GABBR1: variants seen among roughly 807,000 people sequenced by gnomAD.
GABBR1 encodes GABA-B receptor, R1 subunit.
In GABBR1, 35 loss-of-function variants were observed where a neutral mutation model predicts 117.7. That is an observed-to-expected ratio of 0.30 (90% CI 0.23 to 0.39). The LOEUF (loss-of-function observed/expected upper bound fraction) is 0.39, where lower values mean the gene tolerates loss of function less well. Among genes scored for constraint, GABBR1 ranks in the 10% least tolerant of loss-of-function variants. The probability of loss-of-function intolerance (pLI) is 1.00; values close to 1 mark genes in which losing one functional copy is unlikely to be tolerated. For missense variants in GABBR1, 709 were observed against 1,241.8 expected, an observed-to-expected ratio of 0.57 and a Z score of 6.45; for synonymous variants, 442 against 486.6, an observed-to-expected ratio of 0.91 and a Z score of 1.21.
rs747154133 is a variant in GABBR1, at chr6:29,603,640, G to A, written c.2789C>T (p.Thr930Ile). The A allele has an allele frequency of 2.0e-6, 3 of 1,525,368 alleles. No homozygotes were observed. The highest frequency in any genetic ancestry group is 2.6e-6 in the Non-Finnish European group (3 of 1,141,278). The allele number at this position is 1,525,368 out of a possible 1,614,324, so 94.5% of individuals were successfully genotyped here. A position where few individuals can be genotyped will look rare whatever the true frequency, so the allele number is the denominator to read the frequency against. The change falls in exon 23 of 23, where the codon ACA becomes ATA. Residue 930 changes from threonine to isoleucine, a missense_variant. Thr to Ile is a moderately conservative substitution (Grantham distance 89). Coordinates refer to ENST00000377034, the MANE Select transcript of GABBR1 (RefSeq NM_001470.4). The part of the protein sequence containing the change: ...QQLRSRRHPP[T>I]PPEPSGGLPR... The stretch of plus-strand genomic sequence containing the variant: ...CAGGCCCCCAGAGGGTTCTGGGGGT[G>A]TCGGTGGGTGGCGCCGGGAGCGGAG...
chr6:29,608,637 G>A lies in GABBR1; in HGVS notation c.1956C>T (p.Tyr652=). The change falls in exon 16 of 23, where the codon TAC becomes TAT. Residue 652 remains tyrosine (Y), a synonymous_variant. Coordinates refer to ENST00000377034, the MANE Select transcript of GABBR1 (RefSeq NM_001470.4). ...AAVFPLGLDG[Y]HIGRNQFPFV... ...AAGGAAACTGGTTCCTCCCAATGTG[G>A]TAACCATCGAGCCCCAGGGGGAAGA... 1.9e-6 allele frequency: 3 copies of A among 1,612,988 alleles called. No individual in the cohort carries two copies. Among genetic ancestry groups the A allele is most frequent in the Non-Finnish European group, 1.7e-6 (2 of 1,180,002 alleles).
At chr6:29,629,138 G>C in intron 4 of GABBR1, 31 bp from the exon 5 acceptor site, 2 of 1,612,870 alleles carry the variant, frequency 1.2e-6, no homozygotes, top group Non-Finnish European at 1.7e-6. Context: ...GATCAGAGAA[G>C]AGTTACCACT....
chr6:29,603,729 G>C lies in GABBR1; in HGVS notation c.2713-13C>G. ...CACGCTCCTCTTTCTGGAGGAAGAA[G>C]CACAATTGGGATAGTAGGAGAAGAG... On this transcript the variant is annotated splice_polypyrimidine_tract_variant and intron_variant, in intron 22 of 22. Transcript: ENST00000377034. 4 of 1,476,512 alleles carry C rather than the reference G, an allele frequency of 2.7e-6. No homozygotes were observed. The highest frequency in any genetic ancestry group is 3.6e-6 in the Non-Finnish European group (4 of 1,116,384). 91.5% of individuals were successfully genotyped at this position (1,476,512 alleles called of 1,614,324 possible).
At chr6:29,608,447 CAG>C (rs1762181526) in intron 16 of GABBR1, 152 bp downstream of exon 16, 1 of 749,650 alleles carries the variant, frequency 1.3e-6, no homozygotes, top group Admixed American at 2.9e-5. Context: ...CAGAGCCAAA[CAG>C]AGAACAGAGG....
At position 29,605,073 on chromosome 6, in the gene GABBR1, T is replaced by G; in HGVS notation, c.2440-85A>C. 1.5e-6 allele frequency: 2 copies of G among 1,362,936 alleles called. No individual in the cohort carries two copies. Among genetic ancestry groups the G allele is most frequent in the Non-Finnish European group, 2.0e-6 (2 of 1,011,832 alleles). 84.4% of individuals were successfully genotyped at this position (1,362,936 alleles called of 1,614,324 possible). On this transcript the variant is annotated intron_variant, in intron 20 of 22. Transcript: ENST00000377034. This position sits in a 1 kb window ranked among gnomAD's most constrained non-coding sequence, Gnocchi z 4.2. Reference sequence around the variant, plus strand: ...TTTACTTCCCATGGGAGGGAGTCTATGCAGACAGTTTCCTGGTGAACTTTC... The same window carrying G: ...TTTACTTCCCATGGGAGGGAGTCTAGGCAGACAGTTTCCTGGTGAACTTTC...
At chr6:29,614,981 C>A (rs1446577033) in intron 11 of GABBR1, among the ~76,000 whole-genome samples, 74 of 81,130 alleles carry the variant, frequency 9.1e-4, no homozygotes, top group African/African-American at 1.1e-3. Context: ...TAAAACTGCT[C>A]AAAAAAAAAA....
rs539272510 is a variant in GABBR1, at chr6:29,630,208, A to G, written c.475+250T>C. The G allele has an allele frequency of 4.5e-4, 197 of 441,420 alleles. 1 individual carries two copies. The highest frequency in any genetic ancestry group is 2.5e-3 in the African/African-American group (131 of 51,446). 27.3% of individuals were successfully genotyped at this position (441,420 alleles called of 1,614,324 possible). On this transcript the variant is annotated intron_variant, in intron 4 of 22. Transcript: ENST00000377034. This position sits in a 1 kb window ranked among gnomAD's most constrained non-coding sequence, Gnocchi z 4.9. ...AAGGAAAAGAGAAAACGTGAGGTCTAAGAATCGGGAGCAGGAAGATTTTTT... is the reference window on the plus strand; with the variant it reads ...AAGGAAAAGAGAAAACGTGAGGTCTGAGAATCGGGAGCAGGAAGATTTTTT...
In GABBR1 at chr6:29,602,681, C is replaced by T; in HGVS notation, c.*862G>A. On this transcript the variant is annotated 3_prime_UTR_variant, in exon 23 of 23. Coordinates refer to ENST00000377034, the MANE Select transcript of GABBR1 (RefSeq NM_001470.4). ...TACCATGATTTAAGGGAAGAAAGTA[C>T]ACAAGGTACATGGAGGGTACACAGG... 3.6e-6 allele frequency: 1 copy of T among 277,198 alleles called. No homozygotes were observed. The allele number at this position is 277,198 out of a possible 1,614,324, so 17.2% of individuals were successfully genotyped here.
rs755512702 is a variant in GABBR1 at position 29,607,144 on chromosome 6, G to A, written c.2067C>T (p.His689=). ...GSMFTKIWWV[H]TVFTKKEEKK... is the part of the protein sequence containing the mutation. ...TTTCTTCCTTCTTTGTGAAGACCGT[G>A]TGGACCCACCAAATCTTGGTGAACA... Residue 689 remains histidine, a synonymous_variant, in exon 17 of 23, where the codon CAC becomes CAT. Transcript: ENST00000377034. This position sits in a 1 kb window ranked among gnomAD's most constrained non-coding sequence, Gnocchi z 5.0. 4 of 1,614,220 alleles carry A rather than the reference G, an allele frequency of 2.5e-6. No homozygotes were observed. The South Asian group carries it at 4.4e-5, about 18-fold the overall frequency.
intron 5 of GABBR1, chr6:29,628,142 G>T (rs1384206720): frequency 2.0e-6 from 1 of 503,494 alleles, no homozygotes; most frequent in Non-Finnish European, 2.5e-6. Context: ...GGAAGGGGGC[G>T]GGGAGGGAAG....
chr6:29,617,378 T>G (rs1763260612), intron 11 of GABBR1, among the ~76,000 whole-genome samples: 1 of 147,138 alleles, frequency 6.8e-6, no homozygotes, highest in Non-Finnish European at 1.5e-5. Flanking sequence ...CTTGGCTCAC[T>G]GCAACCTCTG....
intron 11 of GABBR1, among the ~76,000 whole-genome samples, chr6:29,616,833 G>T: frequency 6.9e-6 from 1 of 145,362 alleles, no homozygotes; most frequent in Non-Finnish European, 1.5e-5. Context: ...GGCAGCAGAG[G>T]GATACTCTAC....
intron 6 of GABBR1, among the ~76,000 whole-genome samples, chr6:29,625,240 T>C (rs368191824): frequency 9.2e-5 from 14 of 152,110 alleles, no homozygotes; most frequent in African/African-American, 2.9e-4. Context: ...AGGGCAACTT[T>C]GTAAATCTTT....
chr6:29,627,448 A>C lies in GABBR1; in HGVS notation c.657+38T>G. On this transcript the variant is annotated intron_variant, in intron 6 of 22. Coordinates refer to ENST00000377034, the MANE Select transcript of GABBR1 (RefSeq NM_001470.4). The surrounding 1 kb of genome is among the most constrained non-coding windows in gnomAD (Gnocchi z 4.4). ...CAGCTGGCTGGCCCCCTGCCCCGCA[A>C]GCCCCCACCTCCCACCCACCCCCAT... 2.4e-5 allele frequency: 31 copies of C among 1,290,238 alleles called. No individual in the cohort carries two copies. Among genetic ancestry groups the C allele is most frequent in the Non-Finnish European group, 2.8e-5 (26 of 920,156 alleles). 79.9% of individuals were successfully genotyped at this position (1,290,238 alleles called of 1,614,324 possible).
intron 5 of GABBR1, 52 bp downstream of exon 5, chr6:29,629,035 A>T: frequency 6.2e-7 from 1 of 1,606,868 alleles, no homozygotes; most frequent in South Asian, 1.1e-5. Flanking sequence ...TGGAGGGTGC[A>T]GAGTGAAGGG....
At position 29,621,692 on chromosome 6, in the gene GABBR1, C is replaced by A; in HGVS notation, c.1131+60G>T. Reference sequence around the variant, plus strand: ...AGGCACAGATGCCAAGAGGAGGCCCCACAAGAAAACCAAGGGAAACTCCCA... The same window carrying A: ...AGGCACAGATGCCAAGAGGAGGCCCAACAAGAAAACCAAGGGAAACTCCCA... On this transcript the variant is annotated intron_variant, in intron 10 of 22. Coordinates refer to ENST00000377034, the MANE Select transcript of GABBR1 (RefSeq NM_001470.4). The surrounding 1 kb of genome is among the most constrained non-coding windows in gnomAD (Gnocchi z 5.0). The A allele has an allele frequency of 1.4e-6, 2 of 1,476,672 alleles. No homozygotes were observed. The highest frequency in any genetic ancestry group is 1.9e-6 in the Non-Finnish European group (2 of 1,055,414). The allele number at this position is 1,476,672 out of a possible 1,614,324, so 91.5% of individuals were successfully genotyped here.
In GABBR1 at chr6:29,620,205, A is replaced by G. The variant is rs1763603196; in HGVS notation, c.1323+896T>C. Among the ~76,000 whole-genome samples, 2 of 152,244 alleles carry G rather than the reference A, an allele frequency of 1.3e-5. No homozygotes were observed. The highest frequency in any genetic ancestry group is 4.8e-5 in the African/African-American group (2 of 41,450). On this transcript the variant is annotated intron_variant, in intron 11 of 22. Transcript: ENST00000377034. This position sits in a 1 kb window ranked among gnomAD's most constrained non-coding sequence, Gnocchi z 4.5. ...CATTTTCCTGGTCTACAAAATGTAG[A>G]TAAGTCCACATCAGAGTTTTGCTGT...
chr6:29,603,048 A>T lies in GABBR1; in HGVS notation c.*495T>A, dbSNP rs1412158475. ...AAGGAAGCAAAATTCAGGGGGAGCCACATGTGAGAAAGTATAGAAGGGCAA... is the reference window on the plus strand; with the variant it reads ...AAGGAAGCAAAATTCAGGGGGAGCCTCATGTGAGAAAGTATAGAAGGGCAA... On this transcript the variant is annotated 3_prime_UTR_variant, in exon 23 of 23. Coordinates refer to ENST00000377034, the MANE Select transcript of GABBR1 (RefSeq NM_001470.4). The T allele has an allele frequency of 2.2e-6, 1 of 457,004 alleles. No homozygotes were observed. Among genetic ancestry groups the T allele is most frequent in the Non-Finnish European group, 4.4e-6 (1 of 227,142 alleles). 28.3% of individuals were successfully genotyped at this position (457,004 alleles called of 1,614,324 possible).
At chr6:29,628,152 G>A (rs1314742347) in intron 5 of GABBR1, 673 of 537,792 alleles carry the variant, frequency 1.3e-3, no homozygotes, top group Admixed American at 3.4e-3. Context: ...GGGGAGGGAA[G>A]CGAGCGCCGA....
Sources: allele counts gnomAD v4.1 joint callset (sites outside exome capture counted in the v4.1 genomes callset), GRCh38; gene constraint gnomAD v4.1.1; non-coding constraint Gnocchi (gnomAD v3.1); transcripts MANE v1.5; gene names NCBI Gene and HGNC (gene_info 2026-07-23, HGNC 2026-07-21).